INTS6: variants seen among roughly 807,000 people sequenced by gnomAD.
The protein encoded by INTS6 is integrator complex subunit 6.
A neutral mutation model predicts 104.9 loss-of-function variants in INTS6; 16 were observed. That is an observed-to-expected ratio of 0.15 (90% confidence interval 0.10 to 0.23). INTS6 has a LOEUF of 0.23. Among genes scored for constraint, INTS6 ranks in the 10% least tolerant of loss-of-function variants. The probability of loss-of-function intolerance (pLI) is 1.00; values close to 1 mark genes in which losing one functional copy is unlikely to be tolerated. For synonymous variants in INTS6, 324 were observed against 358.7 expected (o/e 0.90, Z 1.09); for missense variants, 584 against 1,062.8 (o/e 0.55, Z 6.26).
intron 4 of INTS6, among the ~76,000 whole-genome samples, chr13:51,425,348 G>A (rs1302103602): frequency 6.6e-6 from 1 of 152,008 alleles, no homozygotes; most frequent in Non-Finnish European, 1.5e-5. Flanking sequence ...AGTTACAAAA[G>A]TAGTTGTCCT....
chr13:51,448,681 ATATT>A (rs1243279681), intron 3 of INTS6: 1 of 152,216 alleles, frequency 6.6e-6, no homozygotes, highest in Non-Finnish European at 1.5e-5. Context: ...ACAAATATAT[ATATT>A]AACCCAGACA....
downstream of INTS6, among the ~76,000 whole-genome samples, chr13:51,358,943 AC>A (rs577559529): frequency 4.5e-3 from 683 of 152,134 alleles, 7 homozygotes; most frequent in African/African-American, 0.016. Flanking sequence ...CTATGGTTAA[AC>A]GCTATGTATT....
chr13:51,416,702 T>C (rs1373337818), intron 4 of INTS6, among the ~76,000 whole-genome samples: 1 of 152,242 alleles, frequency 6.6e-6, no homozygotes, highest in Non-Finnish European at 1.5e-5. Context: ...CAGGTTTTTG[T>C]GTAGACATGT....
chr13:51,360,686 C>CT (rs1955560255), downstream of INTS6, among the ~76,000 whole-genome samples: 1 of 152,048 alleles, frequency 6.6e-6, no homozygotes, highest in South Asian at 2.1e-4. Context: ...AATTGCATAA[C>CT]TGATACACCT....
chr13:51,436,406 C>T (rs1952688418), intron 3 of INTS6: 1 of 152,152 alleles, frequency 6.6e-6, no homozygotes, highest in African/African-American at 2.4e-5. Context: ...TTTCAAGTAA[C>T]TCCGTTACAC....
chr13:51,450,685 A>C (rs1953022178), intron 3 of INTS6: 1 of 1,000,504 alleles, frequency 1.0e-6, no homozygotes, highest in Non-Finnish European at 1.2e-6. Context: ...TCTCTAAGCC[A>C]CTATAATAGT....
chr13:51,338,149 T>C, the INTS6 span, among the ~76,000 whole-genome samples: 16 of 152,230 alleles, frequency 1.1e-4, no homozygotes, highest in Non-Finnish European at 2.4e-4. Context: ...AACCTTTTTT[T>C]AATTTGGGAA....
At chr13:51,411,255 A>T (rs574506305) in intron 4 of INTS6, among the ~76,000 whole-genome samples, 1 of 143,298 alleles carries the variant, frequency 7.0e-6, no homozygotes, top group Admixed American at 7.1e-5. Context: ...ATAAATAAAT[A>T]AGCAAGCAAG....
chr13:51,345,886 G>A, the INTS6 span, among the ~76,000 whole-genome samples: 1 of 152,200 alleles, frequency 6.6e-6, no homozygotes, highest in African/African-American at 2.4e-5. Flanking sequence ...CAGTTGCTCA[G>A]AGCACAGAGT....
intron 6 of INTS6, 119 bp downstream of exon 6, chr13:51,389,200 T>C (rs1460693903): frequency 1.0e-5 from 10 of 974,620 alleles, no homozygotes; most frequent in African/African-American, 5.0e-5. Flanking sequence ...ACCAACAGCC[T>C]TTCTGTCTTA....
At chr13:51,384,890 CT>C (rs58323863) in intron 7 of INTS6, 11,362 of 348,510 alleles carry the variant, frequency 0.033, 250 homozygotes, top group South Asian at 0.049. Context: ...AGTACAAATG[CT>C]TTTTGCTTTG....
chr13:51,383,132 T>C (rs1182875977), intron 9 of INTS6, among the ~76,000 whole-genome samples, 197 bp downstream of exon 9: 3 of 136,282 alleles, frequency 2.2e-5, no homozygotes, highest in Non-Finnish European at 4.6e-5. Flanking sequence ...AATTGCAGAC[T>C]AAAAAGTGTT....
rs1158014097 is a variant in INTS6 at position 51,362,317 on chromosome 13, AT to A, written c.*3434del. 1 of 224,030 alleles carries A rather than the reference AT, an allele frequency of 4.5e-6. No individual in the cohort carries two copies. Among genetic ancestry groups the A allele is most frequent in the East Asian group, 1.3e-4 (1 of 7,922 alleles). 13.9% of individuals were successfully genotyped at this position (224,030 alleles called of 1,614,324 possible). ...GTCCTCTTGTGATCCTAGTATTCTA[AT>A]GAATGCACCTGGATTTCTATACTGT... On this transcript the variant is annotated 3_prime_UTR_variant, in exon 18 of 18. Transcript: ENST00000311234.
chr13:51,342,629 A>C, the INTS6 span, among the ~76,000 whole-genome samples: 3 of 152,170 alleles, frequency 2.0e-5, no homozygotes, highest in Non-Finnish European at 4.4e-5. Flanking sequence ...TTACTCTACT[A>C]TTTTAATGTT....
intron 4 of INTS6, among the ~76,000 whole-genome samples, chr13:51,403,581 CAAAAAAAAA>C (rs1290796257): frequency 9.8e-5 from 2 of 20,310 alleles, no homozygotes; most frequent in Non-Finnish European, 2.0e-4. Context: ...GACTCCATTT[CAAAAAAAAA>C]AAAGAAAAAA....
At chr13:51,375,746 T>G (rs1203568503) in intron 13 of INTS6, among the ~76,000 whole-genome samples, 1 of 150,032 alleles carries the variant, frequency 6.7e-6, no homozygotes, top group Non-Finnish European at 1.5e-5. Flanking sequence ...TGTGTGTGTG[T>G]GTGTGTGTGT....
At chr13:51,370,886 T>C (rs543362637) in intron 15 of INTS6, among the ~76,000 whole-genome samples, 2 of 152,220 alleles carry the variant, frequency 1.3e-5, no homozygotes, top group Admixed American at 1.3e-4. Context: ...GATCTTTGGG[T>C]TAGCCACCCT....
intron 15 of INTS6, among the ~76,000 whole-genome samples, chr13:51,372,514 T>C (rs1955830144): frequency 2.6e-5 from 4 of 152,182 alleles, no homozygotes. Context: ...TGAGATTTTA[T>C]TCAGTGCAAT....
At position 51,452,806 on chromosome 13, in the gene INTS6, C is replaced by A. The variant is rs1953094687; in HGVS notation, c.-281G>T. Reference sequence around the variant, plus strand: ...CCCAGCCGTCTGTCTGTCGGTTCGTCCCCCCCGCCTCGGGGGTCCCGTCCC... The same window carrying A: ...CCCAGCCGTCTGTCTGTCGGTTCGTACCCCCCGCCTCGGGGGTCCCGTCCC... On this transcript the variant is annotated 5_prime_UTR_variant, in exon 1 of 18. Transcript: ENST00000311234. This position sits in a 1 kb window ranked among gnomAD's most constrained non-coding sequence, Gnocchi z 4.2. The A allele has an allele frequency of 1.7e-6, 2 of 1,176,668 alleles. No homozygotes were observed. The highest frequency in any genetic ancestry group is 6.8e-5 in the East Asian group (1 of 14,660). 72.9% of individuals were successfully genotyped at this position (1,176,668 alleles called of 1,614,324 possible). A position where few individuals can be genotyped will look rare whatever the true frequency, so the allele number is the denominator to read the frequency against.
Sources: allele counts gnomAD v4.1 joint callset (sites outside exome capture counted in the v4.1 genomes callset), GRCh38; gene constraint gnomAD v4.1.1; non-coding constraint Gnocchi (gnomAD v3.1); transcripts MANE v1.5; gene names NCBI Gene and HGNC (gene_info 2026-07-23, HGNC 2026-07-21).